SOBP: variants seen among roughly 807,000 people sequenced by gnomAD.
SOBP encodes sine oculis binding protein homolog.
SOBP carries 4 observed loss-of-function variants against 53.6 expected under a neutral mutation model. The observed-to-expected ratio is 0.07, with a 90% CI of 0.04 to 0.17. The LOEUF (loss-of-function observed/expected upper bound fraction) is 0.17. SOBP is among the 10% of genes least tolerant of loss of function. SOBP has a pLI of 1.00. For synonymous variants in SOBP, 584 were observed against 522.6 expected, an observed-to-expected ratio of 1.12 and a Z score of -1.60; for missense variants, 1,088 against 1,204.7, an observed-to-expected ratio of 0.90 and a Z score of 1.43.
At chr6:107,554,995 G>A (rs533691953) in intron 4 of SOBP, among the ~76,000 whole-genome samples, 109 of 152,192 alleles carry the variant, frequency 7.2e-4, no homozygotes, top group Admixed American at 1.1e-3. Flanking sequence ...CCCTTCTGAG[G>A]GAAATCTGTG....
At chr6:107,506,071 C>A (rs1376222053) in intron 2 of SOBP, among the ~76,000 whole-genome samples, 171 bp from the exon 3 acceptor site, 1 of 152,154 alleles carries the variant, frequency 6.6e-6, no homozygotes, top group Non-Finnish European at 1.5e-5. Flanking sequence ...TTTATGGTAA[C>A]CACACTAAAA....
intron 4 of SOBP, 142 bp downstream of exon 4, chr6:107,533,752 G>T: frequency 9.3e-7 from 1 of 1,073,348 alleles, no homozygotes; most frequent in Non-Finnish European, 1.4e-6. Context: ...TTCCCCTTTT[G>T]TGTCATGCTT....
rs147296678 is a variant in SOBP, at chr6:107,625,163, G to T, written c.670-8351G>T. ...TAGAGCTTAAATAAAGCTACCTATTGTTACTAGTGTATAATTTATTAGTAT... is the reference window on the plus strand; with the variant it reads ...TAGAGCTTAAATAAAGCTACCTATTTTTACTAGTGTATAATTTATTAGTAT... On this transcript the variant is annotated intron_variant, in intron 5 of 6. Transcript: ENST00000317357. 4.0e-3 allele frequency among the ~76,000 whole-genome samples: 614 copies of T among 152,264 alleles called. 6 individuals carry two copies. The highest frequency in any genetic ancestry group is 0.014 in the African/African-American group (580 of 41,538).
intron 5 of SOBP, among the ~76,000 whole-genome samples, chr6:107,595,787 CAT>C (rs1785926276): frequency 6.6e-6 from 1 of 151,922 alleles, no homozygotes; most frequent in Non-Finnish European, 1.5e-5. Flanking sequence ...AGAAGAATGA[CAT>C]ATGTGAGTAA....
At chr6:107,603,047 T>C (rs943243851) in intron 5 of SOBP, among the ~76,000 whole-genome samples, 6 of 152,122 alleles carry the variant, frequency 3.9e-5, no homozygotes, top group Non-Finnish European at 5.9e-5. Context: ...GATTAATGGC[T>C]GTCCATCAGA....
chr6:107,562,654 G>A (rs1583214482), intron 4 of SOBP, among the ~76,000 whole-genome samples: 1 of 152,304 alleles, frequency 6.6e-6, no homozygotes, highest in East Asian at 1.9e-4. Context: ...CTTCTGCAAA[G>A]TAGAGGTGAC....
intron 5 of SOBP, among the ~76,000 whole-genome samples, chr6:107,599,447 T>C (rs778544012): frequency 2.0e-5 from 3 of 152,194 alleles, no homozygotes; most frequent in Admixed American, 1.3e-4. Flanking sequence ...TGGATTTAGC[T>C]TATTCTTTAC....
chr6:107,569,959 C>G (rs1409904617), intron 4 of SOBP, among the ~76,000 whole-genome samples: 1 of 152,330 alleles, frequency 6.6e-6, no homozygotes, highest in South Asian at 2.1e-4. Context: ...TCATCCTTCT[C>G]CCTCAACTGG....
intron 5 of SOBP, among the ~76,000 whole-genome samples, chr6:107,606,148 C>T (rs1051263529): frequency 6.9e-6 from 1 of 145,448 alleles, no homozygotes; most frequent in African/African-American, 2.6e-5. Context: ...GCGATCTCGG[C>T]TCACTGCAGC....
In SOBP at chr6:107,570,402, A is replaced by T. The variant is rs558952119; in HGVS notation, c.574-16678A>T. ...ATCAATCTAGGGAATTTTTACCTTG[A>T]TATTCACTGCCTAAAAATTGAATCA... On this transcript the variant is annotated intron_variant, in intron 4 of 6. Transcript: ENST00000317357. Among the ~76,000 whole-genome samples the T allele has an allele frequency of 2.0e-5, 3 of 152,342 alleles. No individual in the cohort carries two copies. In the South Asian group the frequency reaches 6.2e-4, roughly 32 times the overall value.
intron 5 of SOBP, among the ~76,000 whole-genome samples, chr6:107,605,003 C>G (rs964039051): frequency 6.6e-6 from 1 of 152,198 alleles, no homozygotes; most frequent in African/African-American, 2.4e-5. Flanking sequence ...GGCCTCACTT[C>G]CCTTCAGGTC....
chr6:107,606,543 G>A (rs1046339098), intron 5 of SOBP, among the ~76,000 whole-genome samples: 2 of 152,202 alleles, frequency 1.3e-5, no homozygotes, highest in African/African-American at 2.4e-5. Flanking sequence ...GATATTTGAT[G>A]TCTGAGCTTT....
chr6:107,623,500 G>T (rs1770312916), intron 5 of SOBP, among the ~76,000 whole-genome samples: 1 of 152,054 alleles, frequency 6.6e-6, no homozygotes, highest in Non-Finnish European at 1.5e-5. Flanking sequence ...CATAAAGAAG[G>T]GTACCAATCC....
intron 5 of SOBP, among the ~76,000 whole-genome samples, chr6:107,610,131 A>G (rs1230580186): frequency 2.6e-5 from 4 of 152,196 alleles, no homozygotes; most frequent in African/African-American, 4.8e-5. Flanking sequence ...CACTTCCACA[A>G]ACTTCTATCA....
Position 107,633,752 on chromosome 6 carries a change from C to G in SOBP, c.908C>G (p.Pro303Arg). ...CTCACTCCAGACTCTTGGAATATCC[C>G]GCTAACAGATGCTCGGAGGAAGGCC... ...QLLTPDSWNI[P>R]LTDARRKAPS... The change falls in exon 6 of 7, where the codon CCG (proline) becomes CGG (arginine). Residue 303 changes from proline (P) to arginine (R), a missense_variant. Around this residue, in one of 6 missense-constraint regions of SOBP, gnomAD observed 211 missense variants for 258.9 expected, o/e 0.82. Coordinates refer to ENST00000317357, the MANE Select transcript of SOBP (RefSeq NM_018013.4). 1 of 1,614,224 alleles carries G rather than the reference C, an allele frequency of 6.2e-7. No individual in the cohort carries two copies. Among genetic ancestry groups the G allele is most frequent in the Non-Finnish European group, 8.5e-7 (1 of 1,180,040 alleles).
intron 4 of SOBP, among the ~76,000 whole-genome samples, chr6:107,577,830 T>G (rs1437324289): frequency 6.6e-6 from 1 of 152,064 alleles, no homozygotes; most frequent in Non-Finnish European, 1.5e-5. Context: ...TCCCAGCACT[T>G]TGGGAGGCCG....
chr6:107,509,036 T>C (rs180866366), intron 3 of SOBP, among the ~76,000 whole-genome samples: 120 of 152,288 alleles, frequency 7.9e-4, no homozygotes, highest in African/African-American at 2.8e-3. Flanking sequence ...TCACTTCAGT[T>C]TTCTCATCTG....
At chr6:107,595,864 A>G (rs1033801671) in intron 5 of SOBP, among the ~76,000 whole-genome samples, 9 of 152,220 alleles carry the variant, frequency 5.9e-5, no homozygotes, top group African/African-American at 2.2e-4. Flanking sequence ...AAGAAGGAAG[A>G]TAGCAGCCCA....
chr6:107,495,189 G>A (rs916310151), intron 1 of SOBP, among the ~76,000 whole-genome samples: 1 of 152,204 alleles, frequency 6.6e-6, no homozygotes, highest in East Asian at 1.9e-4. Flanking sequence ...GGTGTGCCAC[G>A]TGGCAGGGAT....
Sources: gnomAD v4.1 joint callset for allele counts (sites outside exome capture counted in the v4.1 genomes callset) on GRCh38, gnomAD v4.1.1 for gene constraint, gnomAD v4.1.1 regional missense constraint, MANE v1.5 for transcripts, NCBI Gene and HGNC (gene_info 2026-07-23, HGNC 2026-07-21) for gene names.